Variants in PCDHGB1 observed in about 807,000 individuals in gnomAD.
PCDHGB1 encodes the protein protocadherin gamma-B1.
In PCDHGB1, 34 loss-of-function variants were observed where a neutral mutation model predicts 56.6. The observed-to-expected ratio is 0.60, with a 90% CI of 0.46 to 0.80. The LOEUF (loss-of-function observed/expected upper bound fraction) is 0.80. PCDHGB1 is among the 30% of genes least tolerant of loss of function. The probability of loss-of-function intolerance (pLI) is 0.00; values close to 1 mark genes in which losing one functional copy is unlikely to be tolerated. For missense variants in PCDHGB1, 1,278 were observed against 1,204.6 expected, an observed-to-expected ratio of 1.06 and a Z score of -0.90; for synonymous variants, 561 against 505.9, an observed-to-expected ratio of 1.11 and a Z score of -1.46.
Position 141,511,376 on chromosome 5 carries a change from G to C in PCDHGB1, c.*203G>C. ...CCAGGGGGTTGAATATGCAAAAGCA[G>C]TTCCGCTGGGAACCCCCATCCAATC... On this transcript the variant is annotated 3_prime_UTR_variant, in exon 4 of 4. Coordinates refer to ENST00000523390, the MANE Select transcript of PCDHGB1 (RefSeq NM_018922.3). 1 of 1,211,520 alleles carries C rather than the reference G, an allele frequency of 8.3e-7. No homozygotes were observed. The allele number at this position is 1,211,520 out of a possible 1,614,324, so 75.0% of individuals were successfully genotyped here.
intron 1 of PCDHGB1, chr5:141,409,049 AG>A: frequency 6.2e-7 from 1 of 1,614,028 alleles, no homozygotes; most frequent in African/African-American, 1.3e-5. Context: ...CTACTTCCGA[AG>A]CACTGCCCAG....
rs1350353768 is a variant in PCDHGB1, at chr5:141,476,524, T to A, written c.2410-18283T>A. Reference sequence around the variant, plus strand: ...TCAACGACAACAATCCTGCTTTCCCTACCCAGGAAATGAAATTGGAGATTA... The same window carrying A: ...TCAACGACAACAATCCTGCTTTCCCAACCCAGGAAATGAAATTGGAGATTA... On this transcript the variant is annotated intron_variant, in intron 1 of 3. Coordinates refer to ENST00000523390, the MANE Select transcript of PCDHGB1 (RefSeq NM_018922.3). The surrounding 1 kb of genome is among the most constrained non-coding windows in gnomAD (Gnocchi z 7.6). The A allele has an allele frequency of 1.2e-5, 20 of 1,614,064 alleles. No homozygotes were observed. The highest frequency in any genetic ancestry group is 1.7e-5 in the Non-Finnish European group (20 of 1,180,036).
chr5:141,494,844 C>T lies in PCDHGB1; in HGVS notation c.2447C>T (p.Ala816Val). The change falls in exon 2 of 4, where the codon GCC becomes GTC. Residue 816 changes from alanine to valine, a missense_variant. Ala to Val is a moderately conservative substitution (Grantham distance 64). Coordinates refer to ENST00000523390, the MANE Select transcript of PCDHGB1 (RefSeq NM_018922.3). ...PPNTDWRFSQ[A>V]QRPGTSGSQN... The stretch of plus-strand genomic sequence containing the variant: ...AACACGGACTGGCGTTTCTCTCAGG[C>T]CCAGAGACCCGGCACCAGCGGGTAG... The T allele has an allele frequency of 6.2e-7, 1 of 1,614,190 alleles. No homozygotes were observed. The highest frequency in any genetic ancestry group is 8.5e-7 in the Non-Finnish European group (1 of 1,180,028).
Position 141,491,713 on chromosome 5 carries a change from G to T in PCDHGB1, c.2410-3094G>T. The T allele has an allele frequency of 6.2e-7, 1 of 1,609,174 alleles. No individual in the cohort carries two copies. The highest frequency in any genetic ancestry group is 8.5e-7 in the Non-Finnish European group (1 of 1,178,054). On this transcript the variant is annotated intron_variant, in intron 1 of 3. Transcript: ENST00000523390. The surrounding 1 kb of genome is among the most constrained non-coding windows in gnomAD (Gnocchi z 6.9). ...GGAGCGGAGCCAGGTGAGGGGCTCG[G>T]CGCCGCCCCGGGCGACCCCTGGGGG...
At chr5:141,501,540 A>G (rs151047391) in intron 2 of PCDHGB1, among the ~76,000 whole-genome samples, 2 of 152,138 alleles carry the variant, frequency 1.3e-5, no homozygotes, top group East Asian at 3.9e-4. Flanking sequence ...GTTGTTGTGC[A>G]TAAGATCATA....
At chr5:141,366,013 G>T (rs1764261730) in intron 1 of PCDHGB1, 5 of 1,614,102 alleles carry the variant, frequency 3.1e-6, no homozygotes, top group Non-Finnish European at 4.2e-6. Flanking sequence ...ATACGCCTGA[G>T]ATCCTGTACC....
chr5:141,480,137 A>G (rs1183663599), intron 1 of PCDHGB1, among the ~76,000 whole-genome samples: 2 of 152,096 alleles, frequency 1.3e-5, no homozygotes, highest in Non-Finnish European at 2.9e-5. Context: ...CTGTTAAACA[A>G]TTATTAGCCA....
chr5:141,466,812 G>T (rs1394979761), intron 1 of PCDHGB1, among the ~76,000 whole-genome samples: 1 of 151,940 alleles, frequency 6.6e-6, no homozygotes, highest in African/African-American at 2.4e-5. Flanking sequence ...ATTCAGACAT[G>T]GTATAACAAG....
rs933089146 is a variant in PCDHGB1, at chr5:141,490,786, A to G, written c.2410-4021A>G. ...GTATGTCAACCCAGAGGATGGACGGATCTTTGCCCAGCGTACCTTTGACTA... is the reference window on the plus strand; with the variant it reads ...GTATGTCAACCCAGAGGATGGACGGGTCTTTGCCCAGCGTACCTTTGACTA... On this transcript the variant is annotated intron_variant, in intron 1 of 3. Coordinates refer to ENST00000523390, the MANE Select transcript of PCDHGB1 (RefSeq NM_018922.3). This position sits in a 1 kb window ranked among gnomAD's most constrained non-coding sequence, Gnocchi z 5.4. The G allele has an allele frequency of 1.9e-6, 3 of 1,614,056 alleles. No individual in the cohort carries two copies. The highest frequency in any genetic ancestry group is 1.7e-5 in the Admixed American group (1 of 60,016).
intron 1 of PCDHGB1, among the ~76,000 whole-genome samples, chr5:141,354,167 A>G (rs990067225): frequency 2.6e-5 from 4 of 152,212 alleles, no homozygotes; most frequent in Non-Finnish European, 5.9e-5. Flanking sequence ...AAAAATCACT[A>G]AACTATTATC....
chr5:141,423,456 C>T, intron 1 of PCDHGB1: 1 of 1,613,924 alleles, frequency 6.2e-7, no homozygotes, highest in Non-Finnish European at 8.5e-7. Context: ...ATTTTGTAGG[C>T]GTGGACGGGG....
At chr5:141,376,066 C>G in intron 1 of PCDHGB1, 1 of 1,613,396 alleles carries the variant, frequency 6.2e-7, no homozygotes, top group Non-Finnish European at 8.5e-7. Context: ...TCACGCTCAC[C>G]GTGGCCGTGG....
intron 1 of PCDHGB1, chr5:141,410,258 G>A: frequency 6.2e-7 from 1 of 1,614,022 alleles, no homozygotes; most frequent in East Asian, 2.2e-5. Context: ...TGACCCCCAG[G>A]CTGAACTGCA....
At chr5:141,433,765 A>G (rs1389737053) in intron 1 of PCDHGB1, among the ~76,000 whole-genome samples, 1 of 148,692 alleles carries the variant, frequency 6.7e-6, no homozygotes, top group Non-Finnish European at 1.5e-5. Flanking sequence ...TTAACCTGGG[A>G]GGTGGAGGTT....
intron 1 of PCDHGB1, chr5:141,419,244 C>T (rs2096349736): frequency 1.2e-6 from 2 of 1,614,008 alleles, no homozygotes; most frequent in Non-Finnish European, 1.7e-6. Context: ...GTCCACGTGC[C>T]AGAAAACAAC....
At chr5:141,394,545 G>A in intron 1 of PCDHGB1, 1 of 1,614,164 alleles carries the variant, frequency 6.2e-7, no homozygotes, top group South Asian at 1.1e-5. Flanking sequence ...CGTGGAGCTG[G>A]CGCCCCGCTC....
chr5:141,400,858 G>A (rs1332975731), intron 1 of PCDHGB1, among the ~76,000 whole-genome samples: 1 of 152,108 alleles, frequency 6.6e-6, no homozygotes, highest in Non-Finnish European at 1.5e-5. Context: ...TTTATTGTAT[G>A]TAGATAAACC....
intron 1 of PCDHGB1, chr5:141,426,693 A>C (rs62378458): frequency 0.034 from 14,964 of 435,892 alleles, 320 homozygotes; most frequent in Middle Eastern, 0.11. Flanking sequence ...CCAAAATAGC[A>C]TTGTTTTACA....
In PCDHGB1 at chr5:141,350,472, A is replaced by G; in HGVS notation, c.212A>G (p.Tyr71Cys). The G allele has an allele frequency of 6.2e-7, 1 of 1,613,948 alleles. No individual in the cohort carries two copies. Among genetic ancestry groups the G allele is most frequent in the Non-Finnish European group, 8.5e-7 (1 of 1,179,880 alleles). ...TRKLRVSAED[Y>C]FNVSLESGDL... is the part of the protein sequence containing the mutation. Reference sequence around the variant, plus strand: ...AAACTGCGGGTTAGTGCAGAGGATTATTTCAACGTTAGTTTGGAGAGCGGG... The same window carrying G: ...AAACTGCGGGTTAGTGCAGAGGATTGTTTCAACGTTAGTTTGGAGAGCGGG... Residue 71 changes from tyrosine to cysteine, a missense_variant, in exon 1 of 4, where the codon TAT becomes TGT. Transcript: ENST00000523390.
Sources: allele counts gnomAD v4.1 joint callset (sites outside exome capture counted in the v4.1 genomes callset), GRCh38; gene constraint gnomAD v4.1.1; non-coding constraint Gnocchi (gnomAD v3.1); transcripts MANE v1.5; gene names NCBI Gene and HGNC (gene_info 2026-07-23, HGNC 2026-07-21).